NOL3: variants seen among roughly 807,000 people sequenced by gnomAD.
NOL3 encodes muscle-enriched cytoplasmic protein.
A neutral mutation model predicts 19.2 loss-of-function variants in NOL3; 18 were observed. The observed-to-expected ratio is 0.94, with a 90% CI of 0.65 to 1.39. The LOEUF is 1.39. NOL3 is among the 40% of genes most tolerant of loss of function. The pLI is 0.00. For missense variants in NOL3, 290 were observed against 289.5 expected (o/e 1.00, Z -0.01); for synonymous variants, 127 against 137.3 (o/e 0.93, Z 0.52).
rs753648240 is a variant in NOL3, at chr16:67,174,328, T to C, written c.159T>C (p.Asp53=). ...ACGAGGCATTGGATGCACTGCCTGA[T>C]GCCGAGCGCAGGGTGCGCCGCCTAC... Residue 53 remains aspartate, a synonymous_variant, in exon 2 of 4, where the codon GAT becomes GAC. Coordinates refer to ENST00000268605, the Ensembl canonical transcript of NOL3. 5 of 1,602,908 alleles carry C rather than the reference T, an allele frequency of 3.1e-6. No individual in the cohort carries two copies. In the South Asian group the frequency reaches 3.3e-5, roughly 11 times the overall value.
At position 67,170,786 on chromosome 16, in the gene NOL3, G is replaced by GC. The variant is rs375874027; in HGVS notation, c.-9+212_-9+213insC. 6.6e-6 allele frequency among the ~76,000 whole-genome samples: 1 copy of GC among 152,018 alleles called. No homozygotes were observed. Among genetic ancestry groups the GC allele is most frequent in the South Asian group, 2.1e-4 (1 of 4,828 alleles). On this transcript the variant is annotated intron_variant, in intron 1 of 3. Coordinates refer to ENST00000268605, the Ensembl canonical transcript of NOL3. The surrounding 1 kb of genome is among the most constrained non-coding windows in gnomAD (Gnocchi z 5.7). The stretch of plus-strand genomic sequence containing the variant: ...TGGAGGGAGGTAAGGGGCGGGGGGG[G>GC]AAAATCCGTGCAGTCGCACATGCGC...
In NOL3 at chr16:67,174,839, G is replaced by A. The variant is rs2145958368; in HGVS notation, c.514G>A (p.Glu172Lys). ...AGAGGCTGAACCGGAGCCGGAGCCA[G>A]AGCCAGAGCTGGAACCCGAGGCTGA... Residue 172 changes from glutamate (E) to lysine (K), a missense_variant, in exon 3 of 4, where the codon GAG becomes AAG. By Grantham distance (56) the Glu-to-Lys change is moderately conservative. Transcript: ENST00000268605. 1 of 1,605,892 alleles carries A rather than the reference G, an allele frequency of 6.2e-7. No individual in the cohort carries two copies. The highest frequency in any genetic ancestry group is 2.2e-5 in the East Asian group (1 of 44,470).
rs2032020937 is a variant in NOL3 at position 67,174,558 on chromosome 16, G to A, written c.296-63G>A. ...GGCAGGGTTGTCGTCTCCGCTAGAAGTAGGCGAGTGTGAAACCGCACAGGG... is the reference window on the plus strand; with the variant it reads ...GGCAGGGTTGTCGTCTCCGCTAGAAATAGGCGAGTGTGAAACCGCACAGGG... On this transcript the variant is annotated intron_variant, in intron 2 of 3. Transcript: ENST00000268605. 2.7e-6 allele frequency: 4 copies of A among 1,499,358 alleles called. No individual in the cohort carries two copies. In the Admixed American group the frequency reaches 7.0e-5, roughly 26 times the overall value. The allele number at this position is 1,499,358 out of a possible 1,614,324, so 92.9% of individuals were successfully genotyped here.
At chr16:67,173,149 A>C (rs1215235262) in intron 1 of NOL3, 1 of 151,886 alleles carries the variant, frequency 6.6e-6, no homozygotes, top group African/African-American at 2.4e-5. Context: ...GAGGAAAATC[A>C]GTCCAAGTTC....
At chr16:67,174,107 CGAGGGCAGCGGG>C (rs2031949312) in intron 1 of NOL3, 43 bp from the exon 2 acceptor site, 1 of 1,599,068 alleles carries the variant, frequency 6.3e-7, no homozygotes, top group African/African-American at 1.3e-5. Flanking sequence ...TCAGAGGCGG[CGAGGGCAGCGGG>C]GAGGGCAACC....
At chr16:67,173,944 G>A in intron 1 of NOL3, 1 of 1,536,534 alleles carries the variant, frequency 6.5e-7, no homozygotes, top group South Asian at 1.2e-5. Flanking sequence ...GGAGCCTGAG[G>A]AGGAGACAGG....
intron 1 of NOL3, chr16:67,172,146 G>A (rs1288015302): frequency 6.6e-6 from 1 of 152,002 alleles, no homozygotes; most frequent in Non-Finnish European, 1.5e-5. Context: ...AGAAGAGATG[G>A]GAGGATGCCG....
At position 67,174,483 on chromosome 16, in the gene NOL3, G is replaced by C. The variant is rs2032008918; in HGVS notation, c.295+19G>C. The C allele has an allele frequency of 6.8e-7, 1 of 1,476,048 alleles. No homozygotes were observed. Among genetic ancestry groups the C allele is most frequent in the Middle Eastern group, 2.5e-4 (1 of 4,046 alleles). The allele number at this position is 1,476,048 out of a possible 1,614,324, so 91.4% of individuals were successfully genotyped here. On this transcript the variant is annotated intron_variant, in intron 2 of 3. Transcript: ENST00000268605. The stretch of plus-strand genomic sequence containing the variant: ...GGTCCGGGTGAGCGCGCGGGGCGGG[G>C]CCTAGGGCAGAGCAGGGACGGGGCT...
At chr16:67,174,047 G>A in intron 1 of NOL3, 115 bp from the exon 2 acceptor site, 1 of 1,559,954 alleles carries the variant, frequency 6.4e-7, no homozygotes, top group Middle Eastern at 1.7e-4. Context: ...TGGGATCGAG[G>A]TGAACTTAAA....
chr16:67,174,255 T>G (rs1321296991), exon 2 of NOL3: 2 of 1,612,666 alleles, frequency 1.2e-6, no homozygotes, highest in Non-Finnish European at 1.7e-6. Flanking sequence ...GACTCGGGAC[T>G]GCTGTTGGAC....
chr16:67,171,517 T>A (rs1597249494), intron 1 of NOL3: 1 of 151,842 alleles, frequency 6.6e-6, no homozygotes, highest in African/African-American at 2.4e-5. Context: ...CTGTCCAGGG[T>A]GGTGGGAGGA....
At position 67,174,082 on chromosome 16, in the gene NOL3, G is replaced by T. The variant is rs534805822; in HGVS notation, c.-8-80G>T. 313 of 1,592,476 alleles carry T rather than the reference G, an allele frequency of 2.0e-4. 6 individuals carry two copies. In the South Asian group the frequency reaches 3.4e-3, roughly 17 times the overall value. On this transcript the variant is annotated intron_variant, in intron 1 of 3. Transcript: ENST00000268605. ...ACCCCAGCCTGGGTGTTCACTGGGGGCATTGAGGGAGTGGTCAGAGGCGGC... is the reference window on the plus strand; with the variant it reads ...ACCCCAGCCTGGGTGTTCACTGGGGTCATTGAGGGAGTGGTCAGAGGCGGC...
chr16:67,174,791 G>A, exon 3 of NOL3: 1 of 1,606,902 alleles, frequency 6.2e-7, no homozygotes, highest in Non-Finnish European at 8.5e-7. Context: ...GCCAGAGCCA[G>A]AGCTGGAAGC....
chr16:67,172,255 C>T (rs1372966892), intron 1 of NOL3, among the ~76,000 whole-genome samples: 1 of 152,044 alleles, frequency 6.6e-6, no homozygotes, highest in Non-Finnish European at 1.5e-5. Context: ...CTCCTAATGC[C>T]GGGGGTCTTG....
intron 1 of NOL3, chr16:67,173,131 G>A (rs1164051483): frequency 4.0e-5 from 6 of 151,024 alleles, no homozygotes; most frequent in East Asian, 1.9e-4. Context: ...AAAATAGTGC[G>A]ATCCATGGAG....
rs1192971344 is a variant in NOL3 at position 67,174,481 on chromosome 16, G to T, written c.295+17G>T. 6.8e-7 allele frequency: 1 copy of T among 1,473,162 alleles called. No homozygotes were observed. The highest frequency in any genetic ancestry group is 1.4e-5 in the African/African-American group (1 of 71,526). The allele number at this position is 1,473,162 out of a possible 1,614,324, so 91.3% of individuals were successfully genotyped here. A position where few individuals can be genotyped will look rare whatever the true frequency, so the allele number is the denominator to read the frequency against. On this transcript the variant is annotated intron_variant, in intron 2 of 3. Transcript: ENST00000268605. ...TGGGTCCGGGTGAGCGCGCGGGGCG[G>T]GGCCTAGGGCAGAGCAGGGACGGGG...
At chr16:67,172,056 C>T (rs1425022119) in intron 1 of NOL3, 1 of 152,144 alleles carries the variant, frequency 6.6e-6, no homozygotes, top group Non-Finnish European at 1.5e-5. Context: ...AGGATGGCGG[C>T]TAGGACTAAA....
intron 1 of NOL3, chr16:67,172,995 AGGCTGGGC>A: frequency 7.0e-6 from 1 of 142,980 alleles, no homozygotes; most frequent in Non-Finnish European, 1.5e-5. Context: ...AAAAAAAAAA[AGGCTGGGC>A]ACGAGAATCA....
Position 67,174,431 on chromosome 16 carries a change from G to A in NOL3, c.262G>A (p.Asp88Asn), listed in dbSNP as rs1284647416. Residue 88 changes from aspartate to asparagine, a missense_variant, in exon 2 of 4, where the codon GAC becomes AAC. This residue lies in a region of NOL3 where 153 missense variants were observed against 149.4 expected (regional missense o/e 1.02). Coordinates refer to ENST00000268605, the Ensembl canonical transcript of NOL3. ...TGCCCAGCGTACCGCGGGCGCGCCG[G>A]ACCCCGCTTGGGACTGGCAGCACGT... 5 of 1,518,224 alleles carry A rather than the reference G, an allele frequency of 3.3e-6. No homozygotes were observed. In the African/African-American group the frequency reaches 6.9e-5, roughly 21 times the overall value. The allele number at this position is 1,518,224 out of a possible 1,614,324, so 94.0% of individuals were successfully genotyped here. A position where few individuals can be genotyped will look rare whatever the true frequency, so the allele number is the denominator to read the frequency against.
Sources: gnomAD v4.1 joint callset for allele counts (sites outside exome capture counted in the v4.1 genomes callset) on GRCh38, gnomAD v4.1.1 for gene constraint, gnomAD v4.1.1 regional missense constraint, Gnocchi (gnomAD v3.1) non-coding constraint, MANE v1.5 for transcripts, NCBI Gene and HGNC (gene_info 2026-07-23, HGNC 2026-07-21) for gene names.